Variants in ARHGAP21 observed in about 807,000 individuals in gnomAD.
The protein encoded by ARHGAP21 is rho GTPase-activating protein 21.
ARHGAP21 carries 38 observed loss-of-function variants against 164.6 expected under a neutral mutation model. The ratio of observed to expected loss-of-function variants is 0.23; its 90% CI spans 0.18 to 0.30. The LOEUF is 0.30. Among genes scored for constraint, ARHGAP21 ranks in the 10% least tolerant of loss-of-function variants. ARHGAP21 has a pLI of 1.00. For missense variants in ARHGAP21, 1,822 were observed against 2,370.7 expected (o/e 0.77, Z 4.81); for synonymous variants, 766 against 857.9 (o/e 0.89, Z 1.87).
At chr10:24,645,797 C>T (rs1837511197) in intron 4 of ARHGAP21, among the ~76,000 whole-genome samples, 1 of 152,178 alleles carries the variant, frequency 6.6e-6, no homozygotes, top group East Asian at 1.9e-4. Flanking sequence ...GCTCTACATT[C>T]CAACTGAGAG....
chr10:24,716,631 C>G (rs1023019471), intron 2 of ARHGAP21, among the ~76,000 whole-genome samples: 1 of 152,202 alleles, frequency 6.6e-6, no homozygotes, highest in Admixed American at 6.5e-5. Context: ...CTTCAATCTT[C>G]AGAGAAATGA....
At chr10:24,641,998 A>G (rs1432975408) in intron 4 of ARHGAP21, among the ~76,000 whole-genome samples, 3 of 112,634 alleles carry the variant, frequency 2.7e-5, no homozygotes, top group African/African-American at 4.8e-5. Context: ...TCCATCTTGG[A>G]AAAAAAAAAA....
intron 6 of ARHGAP21, among the ~76,000 whole-genome samples, chr10:24,631,199 A>G (rs1835820644): frequency 6.6e-6 from 1 of 152,230 alleles, no homozygotes; most frequent in East Asian, 1.9e-4. Flanking sequence ...ACTCGTCTCC[A>G]CTAAAAATAC....
intron 24 of ARHGAP21, chr10:24,590,684 G>C (rs2076288761): frequency 2.3e-6 from 3 of 1,322,964 alleles, no homozygotes; most frequent in Non-Finnish European, 2.9e-6. Context: ...ACAGGAAACA[G>C]AAGAAAATAA....
At chr10:24,669,914 CTAGATAA>C (rs1350314537) in intron 3 of ARHGAP21, among the ~76,000 whole-genome samples, 1 of 152,088 alleles carries the variant, frequency 6.6e-6, no homozygotes, top group Non-Finnish European at 1.5e-5. Flanking sequence ...CACTACCTTT[CTAGATAA>C]TAAACAGTTA....
At chr10:24,698,516 G>C (rs1220971833) in intron 2 of ARHGAP21, among the ~76,000 whole-genome samples, 1 of 152,024 alleles carries the variant, frequency 6.6e-6, no homozygotes, top group Non-Finnish European at 1.5e-5. Context: ...AAGACAGATG[G>C]GTCGGCCATC....
At chr10:24,612,563 A>C (rs952925755) in intron 9 of ARHGAP21, among the ~76,000 whole-genome samples, 1 of 152,210 alleles carries the variant, frequency 6.6e-6, no homozygotes, top group Non-Finnish European at 1.5e-5. Context: ...GTGTCTTAAA[A>C]ATAAATTCAG....
At position 24,663,367 on chromosome 10, in the gene ARHGAP21, G is replaced by A. The variant is rs549726554; in HGVS notation, c.268+3618C>T. ...ATAATCATAAAAGATCACCGGATAT[G>A]CAGCCTTGAATATCCATTCTTCTAA... On this transcript the variant is annotated intron_variant, in intron 4 of 25. Transcript: ENST00000396432. Among the ~76,000 whole-genome samples, 210 of 152,288 alleles carry A rather than the reference G, an allele frequency of 1.4e-3. 1 individual carries two copies. The highest frequency in any genetic ancestry group is 2.8e-3 in the Admixed American group (43 of 15,298).
At chr10:24,703,729 C>A (rs1352788275) in intron 2 of ARHGAP21, among the ~76,000 whole-genome samples, 1 of 152,144 alleles carries the variant, frequency 6.6e-6, no homozygotes, top group Non-Finnish European at 1.5e-5. Flanking sequence ...TCCCATCCTG[C>A]CTTTTCTGCG....
Position 24,622,704 on chromosome 10 carries a change from C to G in ARHGAP21, c.525+29G>C, listed in dbSNP as rs202142435. ...TCTCTACAAAACATGACTTAAAAAGCAAGGAAATGGCTACTGTGCATTTCT... is the reference window on the plus strand; with the variant it reads ...TCTCTACAAAACATGACTTAAAAAGGAAGGAAATGGCTACTGTGCATTTCT... On this transcript the variant is annotated intron_variant, in intron 8 of 25. Transcript: ENST00000396432. 4.4e-6 allele frequency: 7 copies of G among 1,597,728 alleles called. No homozygotes were observed. In the East Asian group the frequency reaches 1.6e-4, roughly 36 times the overall value.
Position 24,585,894 on chromosome 10 carries a change from C to T in ARHGAP21, c.4395G>A (p.Leu1465=). ...CAATGATGATCTTCTGTTTTCTGCC[C>T]AGTGTCTCACTTTCTTTTTTGGACT... ...KEESKKESET[L]GRKQKIIIAK... The change falls in exon 26 of 26, where the codon CTG becomes CTA. Residue 1465 remains leucine (L), a synonymous_variant. Coordinates refer to ENST00000396432, the MANE Select transcript of ARHGAP21 (RefSeq NM_020824.4). 1 of 1,614,026 alleles carries T rather than the reference C, an allele frequency of 6.2e-7. No homozygotes were observed. Among genetic ancestry groups the T allele is most frequent in the Non-Finnish European group, 8.5e-7 (1 of 1,179,924 alleles).
Position 24,595,772 on chromosome 10 carries a change from T to TATCACATTCAAATCTCGCC in ARHGAP21, c.3638_3656dup (p.Ile1219MetfsTer20). The stretch of plus-strand genomic sequence containing the variant: ...TGAAGAAGGATTTTAGTAAACTGCT[T>TATCACATTCAAATCTCGCC]ATCACATTCAAATCTCGCCATTTCT... On this transcript the variant is annotated frameshift_variant, in exon 19 of 26. Coordinates refer to ENST00000396432, the MANE Select transcript of ARHGAP21 (RefSeq NM_020824.4). LOFTEE classifies it high-confidence loss of function. 1 of 1,613,702 alleles carries TATCACATTCAAATCTCGCC rather than the reference T, an allele frequency of 6.2e-7. No homozygotes were observed. Among genetic ancestry groups the TATCACATTCAAATCTCGCC allele is most frequent in the Non-Finnish European group, 8.5e-7 (1 of 1,179,768 alleles).
chr10:24,595,871 C>G lies in ARHGAP21; in HGVS notation c.3633+17G>C, dbSNP rs1160837527. 1 of 1,611,032 alleles carries G rather than the reference C, an allele frequency of 6.2e-7. No homozygotes were observed. The highest frequency in any genetic ancestry group is 1.3e-5 in the African/African-American group (1 of 74,722). ...GGGGGAAAAAAAAGGATCAGTTATT[C>G]AAATAAGCAAACTTACATCATCTTG... On this transcript the variant is annotated intron_variant, in intron 18 of 25. Transcript: ENST00000396432.
At chr10:24,603,073 G>C (rs982207189) in intron 12 of ARHGAP21, among the ~76,000 whole-genome samples, 30 of 152,262 alleles carry the variant, frequency 2.0e-4, no homozygotes, top group African/African-American at 6.5e-4. Context: ...AGTTCAGGAA[G>C]GAGGTCAAGG....
Position 24,620,152 on chromosome 10 carries a change from C to A in ARHGAP21, c.1743G>T (p.Ser581=), listed in dbSNP as rs139389090. 39 of 1,613,882 alleles carry A rather than the reference C, an allele frequency of 2.4e-5. No individual in the cohort carries two copies. The African/African-American group carries it at 4.1e-4, about 17-fold the overall frequency. ...GATCTGGTGGAATTTTTTTAAACTG[C>A]GACACAGATCCCACTCCTCTACCAC... is the stretch of plus-strand genomic sequence containing the variant. The part of the protein sequence containing the change: ...RMSGRGVGSV[S]QFKKIPPDLK... The change falls in exon 9 of 26, where the codon TCG becomes TCT. Residue 581 remains serine (S), a synonymous_variant. Transcript: ENST00000396432.
chr10:24,628,605 C>A (rs1285570948), intron 7 of ARHGAP21, among the ~76,000 whole-genome samples: 2 of 151,744 alleles, frequency 1.3e-5, no homozygotes, highest in African/African-American at 4.8e-5. Context: ...CAATTGTTTA[C>A]CAAAAAGAAT....
intron 8 of ARHGAP21, 108 bp from the exon 9 acceptor site, chr10:24,621,477 C>T (rs1162473324): frequency 2.0e-6 from 2 of 985,452 alleles, no homozygotes; most frequent in Non-Finnish European, 3.0e-6. Context: ...TCCTGAGTGA[C>T]ATTCACTATA....
Position 24,621,358 on chromosome 10 carries a change from T to C in ARHGAP21, c.537A>G (p.Gln179=), listed in dbSNP as rs775030261. 4 of 1,600,932 alleles carry C rather than the reference T, an allele frequency of 2.5e-6. No individual in the cohort carries two copies. Among genetic ancestry groups the C allele is most frequent in the Non-Finnish European group, 3.4e-6 (4 of 1,172,468 alleles). The change falls in exon 9 of 26, where the codon CAA becomes CAG. Residue 179 remains glutamine (Q), a synonymous_variant. Transcript: ENST00000396432. The stretch of plus-strand genomic sequence containing the variant: ...CTTCGTTGCCTTTCAGGTAGGCATC[T>C]TGAGAATATGCCTGTATAGAAATGA... ...TKDVTALAYS[Q]DAYLKGNEAY...
intron 2 of ARHGAP21, among the ~76,000 whole-genome samples, chr10:24,680,623 C>T (rs2131882509): frequency 6.6e-6 from 1 of 152,286 alleles, no homozygotes; most frequent in Non-Finnish European, 1.5e-5. Flanking sequence ...CAGAACATAA[C>T]ACTGTAGCTC....
Sources: gnomAD v4.1 joint callset for allele counts (sites outside exome capture counted in the v4.1 genomes callset) on GRCh38, gnomAD v4.1.1 for gene constraint, MANE v1.5 for transcripts, NCBI Gene and HGNC (gene_info 2026-07-23, HGNC 2026-07-21) for gene names.